The following GRIA4 variants were observed in gnomAD, a reference collection of about 807,000 sequenced individuals.
GRIA4 encodes glutamate receptor 4.
Under a neutral mutation model 104.0 loss-of-function variants are expected in GRIA4, and 34 were observed. The ratio of observed to expected loss-of-function variants is 0.33; its 90% CI spans 0.25 to 0.44. The LOEUF is 0.44. Among genes scored for constraint, GRIA4 ranks in the 20% least tolerant of loss-of-function variants. GRIA4 has a pLI of 1.00. For missense variants in GRIA4, 750 were observed against 1,096.5 expected, an observed-to-expected ratio of 0.68 and a Z score of 4.46; for synonymous variants, 386 against 381.9, an observed-to-expected ratio of 1.01 and a Z score of -0.13.
chr11:105,950,839 T>C (rs953760852), intron 14 of GRIA4, among the ~76,000 whole-genome samples: 1 of 151,742 alleles, frequency 6.6e-6, no homozygotes, highest in African/African-American at 2.4e-5. Flanking sequence ...AAAAAGAAAA[T>C]TTCCCACAGA....
At chr11:105,694,081 G>A (rs974325678) in intron 3 of GRIA4, among the ~76,000 whole-genome samples, 5 of 151,968 alleles carry the variant, frequency 3.3e-5, no homozygotes, top group African/African-American at 1.2e-4. Context: ...ATTTTGAATA[G>A]GTAAACTAGC....
chr11:105,855,411 C>T (rs1944973953), intron 4 of GRIA4, among the ~76,000 whole-genome samples: 1 of 151,974 alleles, frequency 6.6e-6, no homozygotes, highest in Non-Finnish European at 1.5e-5. Context: ...TTTTTACACA[C>T]ATTGGAACTG....
In GRIA4 at chr11:105,762,723, G is replaced by C. The variant is rs573846239; in HGVS notation, c.487+9503G>C. 1.2e-4 allele frequency among the ~76,000 whole-genome samples: 19 copies of C among 152,204 alleles called. No homozygotes were observed. In the South Asian group the frequency reaches 3.7e-3, roughly 30 times the overall value. On this transcript the variant is annotated intron_variant, in intron 4 of 16. Coordinates refer to ENST00000282499, the MANE Select transcript of GRIA4 (RefSeq NM_000829.4). ...CACGAGATCTGATGGTTTTATAAAG[G>C]GAAGTTCCCCTGCACATGCTATCTA...
rs72985104 is a variant in GRIA4 at position 105,773,986 on chromosome 11, T to G, written c.487+20766T>G. 9.5e-3 allele frequency among the ~76,000 whole-genome samples: 1,444 copies of G among 151,768 alleles called. 31 individuals carry two copies. Among genetic ancestry groups the G allele is most frequent in the African/African-American group, 0.033 (1,375 of 41,458 alleles). ...ATATTATACCTAATGAATTTTAAGA[T>G]ATAAAATTAATTATGCTACAAAGAG... On this transcript the variant is annotated intron_variant, in intron 4 of 16. Transcript: ENST00000282499.
intron 14 of GRIA4, among the ~76,000 whole-genome samples, chr11:105,949,159 C>G (rs980392426): frequency 6.6e-6 from 1 of 152,124 alleles, no homozygotes; most frequent in African/African-American, 2.4e-5. Context: ...TACAGTGGAT[C>G]AAATTGTCAG....
chr11:105,797,497 TA>T (rs1391036633), intron 4 of GRIA4, among the ~76,000 whole-genome samples: 1 of 152,148 alleles, frequency 6.6e-6, no homozygotes, highest in Non-Finnish European at 1.5e-5. Context: ...TACCACGCCC[TA>T]AAATCTCAAC....
intron 3 of GRIA4, among the ~76,000 whole-genome samples, chr11:105,630,571 CA>C (rs200528694): frequency 1.3e-5 from 2 of 149,966 alleles, no homozygotes; most frequent in Non-Finnish European, 3.0e-5. Context: ...TAGGAAAAAA[CA>C]AAAAAAACAA....
intron 5 of GRIA4, among the ~76,000 whole-genome samples, chr11:105,885,946 GA>G (rs1412746635): frequency 5.9e-5 from 9 of 152,192 alleles, no homozygotes; most frequent in Non-Finnish European, 1.3e-4. Context: ...AATTTCCCAG[GA>G]TTGTTAAAGG....
chr11:105,787,453 TA>T (rs545367504), intron 4 of GRIA4, among the ~76,000 whole-genome samples: 181 of 142,516 alleles, frequency 1.3e-3, no homozygotes, highest in African/African-American at 4.4e-3. Flanking sequence ...AAAAGCAGTC[TA>T]AAAGATGTAA....
intron 5 of GRIA4, chr11:105,862,566 C>A (rs1454297985): frequency 1.1e-5 from 2 of 177,882 alleles, no homozygotes; most frequent in Admixed American, 5.8e-5. Flanking sequence ...GTGGGTGCAC[C>A]ATTTTTAGAG....
At chr11:105,710,671 C>T (rs984201212) in intron 3 of GRIA4, among the ~76,000 whole-genome samples, 4 of 152,034 alleles carry the variant, frequency 2.6e-5, no homozygotes, top group Admixed American at 2.6e-4. Context: ...TTCAGTGCTG[C>T]CACTTAGCCA....
chr11:105,784,242 G>T (rs1941857876), intron 4 of GRIA4, among the ~76,000 whole-genome samples: 4 of 152,174 alleles, frequency 2.6e-5, no homozygotes, highest in Non-Finnish European at 4.4e-5. Flanking sequence ...GAAATGTGCA[G>T]AAATATGTAT....
chr11:105,699,614 T>G (rs571152846), intron 3 of GRIA4, among the ~76,000 whole-genome samples: 9 of 152,304 alleles, frequency 5.9e-5, no homozygotes, highest in Non-Finnish European at 1.2e-4. Flanking sequence ...GGTCAAGGGC[T>G]ATGGTTTTAT....
chr11:105,705,821 A>G (rs1953676516), intron 3 of GRIA4, among the ~76,000 whole-genome samples: 1 of 152,202 alleles, frequency 6.6e-6, no homozygotes, highest in Admixed American at 6.5e-5. Context: ...CAACTTGCAC[A>G]CCTTTTTGGA....
At chr11:105,758,490 A>T (rs1307939672) in intron 4 of GRIA4, among the ~76,000 whole-genome samples, 1 of 152,190 alleles carries the variant, frequency 6.6e-6, no homozygotes, top group Non-Finnish European at 1.5e-5. Flanking sequence ...TTGCAAATGA[A>T]TTATGATCTC....
chr11:105,661,321 C>T (rs886990342), intron 3 of GRIA4, among the ~76,000 whole-genome samples: 2 of 151,438 alleles, frequency 1.3e-5, no homozygotes, highest in African/African-American at 4.8e-5. Flanking sequence ...GATATAATAA[C>T]ATAAAATGAG....
At chr11:105,975,423 T>G (rs1040231206) in intron 16 of GRIA4, among the ~76,000 whole-genome samples, 2 of 152,094 alleles carry the variant, frequency 1.3e-5, no homozygotes, top group Non-Finnish European at 2.9e-5. Context: ...CCTCTCATCA[T>G]GGCATAATAA....
intron 4 of GRIA4, among the ~76,000 whole-genome samples, chr11:105,813,111 A>C (rs1408373883): frequency 2.0e-5 from 3 of 150,938 alleles, no homozygotes; most frequent in African/African-American, 7.3e-5. Flanking sequence ...AAAAAAAAAA[A>C]AAAAGAAGAA....
At chr11:105,889,264 T>A (rs1014405346) in intron 6 of GRIA4, among the ~76,000 whole-genome samples, 4 of 152,204 alleles carry the variant, frequency 2.6e-5, no homozygotes, top group African/African-American at 9.6e-5. Flanking sequence ...ATTTAAGTTA[T>A]CTAGCGTTCC....
Sources: allele counts gnomAD v4.1 joint callset (sites outside exome capture counted in the v4.1 genomes callset), GRCh38; gene constraint gnomAD v4.1.1; transcripts MANE v1.5; gene names NCBI Gene and HGNC (gene_info 2026-07-23, HGNC 2026-07-21).